The following LRFN2 variants were observed in gnomAD, a reference collection of about 807,000 sequenced individuals.
LRFN2 encodes the protein leucine rich repeat and fibronectin type III domain containing 2.
A neutral mutation model predicts 37.3 loss-of-function variants in LRFN2; 18 were observed. The ratio of observed to expected loss-of-function variants is 0.48; its 90% CI spans 0.33 to 0.72. The LOEUF (loss-of-function observed/expected upper bound fraction) is 0.72, where lower values mean the gene tolerates loss of function less well. LRFN2 is among the 30% of genes least tolerant of loss of function. LRFN2 has a pLI of 0.02. For synonymous variants in LRFN2, 556 were observed against 466.6 expected, an observed-to-expected ratio of 1.19 and a Z score of -2.47; for missense variants, 1,006 against 1,060.7, an observed-to-expected ratio of 0.95 and a Z score of 0.72.
chr6:40,453,910 A>G (rs995636315), intron 1 of LRFN2, among the ~76,000 whole-genome samples: 5 of 152,230 alleles, frequency 3.3e-5, no homozygotes, highest in Admixed American at 3.3e-4. Flanking sequence ...GATTCAAAAC[A>G]CCAGCTAGCC....
chr6:40,428,676 A>G (rs998897719), intron 2 of LRFN2, among the ~76,000 whole-genome samples: 42 of 152,176 alleles, frequency 2.8e-4, no homozygotes, highest in African/African-American at 1.0e-3. Flanking sequence ...TTATTTTTTA[A>G]TTCTCTTGGT....
In LRFN2 at chr6:40,391,972, A is replaced by G. The variant is rs1762512079; in HGVS notation, c.2341T>C (p.Ser781Pro). Residue 781 changes from serine (S) to proline (P), a missense_variant, in exon 3 of 3, where the codon TCC (serine) becomes CCC (proline). This residue lies in a region of LRFN2 where 398 missense variants were observed against 327.6 expected (regional missense o/e 1.21). Coordinates refer to ENST00000338305, the MANE Select transcript of LRFN2 (RefSeq NM_020737.3). Reference protein sequence around the residue: ...LVGARGTFGSSEWVMESTV With the variant: ...LVGARGTFGSPEWVMESTV ...ACCGTGCTCTCCATCACCCATTCGG[A>G]GCTGCCAAAAGTCCCCCGGGCCCCC... 1 of 1,592,650 alleles carries G rather than the reference A, an allele frequency of 6.3e-7. No homozygotes were observed. Among genetic ancestry groups the G allele is most frequent in the Non-Finnish European group, 8.6e-7 (1 of 1,168,852 alleles).
At chr6:40,477,819 C>T (rs1764741860) in intron 1 of LRFN2, among the ~76,000 whole-genome samples, 1 of 152,192 alleles carries the variant, frequency 6.6e-6, no homozygotes, top group Non-Finnish European at 1.5e-5. Flanking sequence ...TCTTTAGCGC[C>T]ATGGTGGTGA....
chr6:40,478,337 T>C (rs149107074), intron 1 of LRFN2, among the ~76,000 whole-genome samples: 1 of 152,232 alleles, frequency 6.6e-6, no homozygotes, highest in African/African-American at 2.4e-5. Flanking sequence ...TAATATTAAT[T>C]GCCACCATTA....
chr6:40,512,947 T>C (rs1765755059), intron 1 of LRFN2, among the ~76,000 whole-genome samples: 1 of 152,206 alleles, frequency 6.6e-6, no homozygotes, highest in Non-Finnish European at 1.5e-5. Context: ...TTCAGTCTCC[T>C]ATCTTCCAGC....
At chr6:40,406,037 A>G (rs950698273) in intron 2 of LRFN2, among the ~76,000 whole-genome samples, 2 of 152,064 alleles carry the variant, frequency 1.3e-5, no homozygotes, top group Non-Finnish European at 2.9e-5. Flanking sequence ...GCCCTCCTCC[A>G]TGGGGCTCCT....
intron 1 of LRFN2, among the ~76,000 whole-genome samples, chr6:40,501,943 C>T (rs1402589288): frequency 2.6e-5 from 4 of 152,164 alleles, no homozygotes; most frequent in African/African-American, 9.7e-5. Context: ...TTAGTGACTT[C>T]ATGAAGCATG....
chr6:40,404,259 G>A (rs1281179299), intron 2 of LRFN2, among the ~76,000 whole-genome samples: 3 of 152,030 alleles, frequency 2.0e-5, no homozygotes, highest in African/African-American at 7.2e-5. Flanking sequence ...GCTCCCTGAG[G>A]TCAGAGTTTG....
intron 1 of LRFN2, among the ~76,000 whole-genome samples, chr6:40,562,592 T>C (rs953262213): frequency 7.2e-5 from 11 of 152,120 alleles, no homozygotes; most frequent in Non-Finnish European, 4.4e-5. Context: ...CAAGAGCTCA[T>C]GGGAGTTTCC....
At chr6:40,434,172 C>G (rs550751993) in intron 1 of LRFN2, among the ~76,000 whole-genome samples, 1 of 152,316 alleles carries the variant, frequency 6.6e-6, no homozygotes, top group Admixed American at 6.5e-5. Flanking sequence ...AAGAAGGGAC[C>G]TCTTTTCATT....
Position 40,392,107 on chromosome 6 carries a change from C to G in LRFN2, c.2206G>C (p.Gly736Arg). Residue 736 changes from glycine (G) to arginine (R), a missense_variant, in exon 3 of 3, where the codon GGG (glycine) becomes CGG (arginine). Physicochemically the swap from Gly to Arg is moderately radical, Grantham distance 125. Coordinates refer to ENST00000338305, the MANE Select transcript of LRFN2 (RefSeq NM_020737.3). The surrounding 1 kb of genome is among the most constrained non-coding windows in gnomAD (Gnocchi z 4.7). Reference sequence around the variant, plus strand: ...GGACTGTAGCCGCCCGGCACGACCCCTCCCGCCGCCGCAGCAGCAAAGTCC... The same window carrying G: ...GGACTGTAGCCGCCCGGCACGACCCGTCCCGCCGCCGCAGCAGCAAAGTCC... The part of the protein sequence containing the change: ...MGDFAAAAAG[G>R]VVPGGYSPPR... 1 of 1,613,208 alleles carries G rather than the reference C, an allele frequency of 6.2e-7. No homozygotes were observed. The highest frequency in any genetic ancestry group is 8.5e-7 in the Non-Finnish European group (1 of 1,179,706).
intron 2 of LRFN2, among the ~76,000 whole-genome samples, chr6:40,412,270 A>T (rs369599074): frequency 1.5e-3 from 225 of 152,318 alleles, no homozygotes; most frequent in African/African-American, 5.2e-3. Flanking sequence ...CTCAGGAAGA[A>T]AAATTTTCTG....
At chr6:40,526,205 G>A (rs1766251287) in intron 1 of LRFN2, among the ~76,000 whole-genome samples, 1 of 152,318 alleles carries the variant, frequency 6.6e-6, no homozygotes, top group African/African-American at 2.4e-5. Flanking sequence ...CAGAACCGGG[G>A]TTGAATCCAG....
At chr6:40,439,423 C>CA (rs1323932494) in intron 1 of LRFN2, among the ~76,000 whole-genome samples, 2 of 152,160 alleles carry the variant, frequency 1.3e-5, no homozygotes, top group Non-Finnish European at 2.9e-5. Flanking sequence ...TCACACCACT[C>CA]AAGGTGAGCC....
chr6:40,422,131 T>TTCCACATATGTTATC (rs954042542), intron 2 of LRFN2, among the ~76,000 whole-genome samples: 19 of 152,334 alleles, frequency 1.2e-4, no homozygotes, highest in Non-Finnish European at 2.4e-4. Context: ...TCCAAAGTGT[T>TTCCACATATGTTATC]TCCACATATG....
At chr6:40,473,849 G>A (rs990664389) in intron 1 of LRFN2, among the ~76,000 whole-genome samples, 1 of 152,074 alleles carries the variant, frequency 6.6e-6, no homozygotes, top group Non-Finnish European at 1.5e-5. Context: ...TATTACCAGT[G>A]AGGAAACTGA....
chr6:40,498,788 CACAG>C (rs1765299460), intron 1 of LRFN2, among the ~76,000 whole-genome samples: 1 of 152,322 alleles, frequency 6.6e-6, no homozygotes, highest in East Asian at 1.9e-4. Context: ...CACGGAGAGG[CACAG>C]ACACTTTGCC....
At chr6:40,583,645 C>G (rs193004781) in intron 1 of LRFN2, among the ~76,000 whole-genome samples, 198 of 152,326 alleles carry the variant, frequency 1.3e-3, no homozygotes, top group Non-Finnish European at 1.8e-3. Context: ...GCCCTTCCAA[C>G]AACCCTGGGG....
intron 1 of LRFN2, among the ~76,000 whole-genome samples, chr6:40,435,004 A>C (rs1763608921): frequency 9.4e-6 from 1 of 106,004 alleles, no homozygotes; most frequent in Non-Finnish European, 1.8e-5. Flanking sequence ...TTTCTTGAGC[A>C]ATGGTTTTAC....
Sources: gnomAD v4.1 joint callset for allele counts (sites outside exome capture counted in the v4.1 genomes callset) on GRCh38, gnomAD v4.1.1 for gene constraint, gnomAD v4.1.1 regional missense constraint, Gnocchi (gnomAD v3.1) non-coding constraint, MANE v1.5 for transcripts, NCBI Gene and HGNC (gene_info 2026-07-23, HGNC 2026-07-21) for gene names.